FGD3: variants seen among roughly 807,000 people sequenced by gnomAD.
FGD3 encodes FYVE, RhoGEF and PH domain containing 3.
In FGD3, 45 loss-of-function variants were observed where a neutral mutation model predicts 71.8. The ratio of observed to expected loss-of-function variants is 0.63; its 90% confidence interval spans 0.49 to 0.80. The LOEUF (loss-of-function observed/expected upper bound fraction) is 0.80, where lower values mean the gene tolerates loss of function less well. Ranked by LOEUF, FGD3 falls within the 30% of genes least tolerant of loss-of-function variation. FGD3 has a pLI of 0.00. For missense variants in FGD3, 844 were observed against 951.5 expected (o/e 0.89, Z 1.49); for synonymous variants, 378 against 392.8 (o/e 0.96, Z 0.44).
chr9:92,993,992 G>A (rs1225028020), intron 3 of FGD3, among the ~76,000 whole-genome samples: 2 of 152,158 alleles, frequency 1.3e-5, no homozygotes, highest in African/African-American at 2.4e-5. Context: ...GTAATGGGAT[G>A]GCTGGGTCAA....
chr9:93,011,477 T>C (rs1464466845), intron 8 of FGD3, among the ~76,000 whole-genome samples: 1 of 152,208 alleles, frequency 6.6e-6, no homozygotes, highest in African/African-American at 2.4e-5. Flanking sequence ...TGGTGAGTTA[T>C]TTAGCACTCT....
intron 14 of FGD3, among the ~76,000 whole-genome samples, chr9:93,026,642 C>CA (rs1862124990): frequency 6.6e-6 from 1 of 152,220 alleles, no homozygotes; most frequent in Non-Finnish European, 1.5e-5. Context: ...CCCTGAGCCA[C>CA]ACTCACTGCT....
At chr9:93,032,629 C>T in intron 15 of FGD3, 140 bp from the exon 16 acceptor site, 1 of 814,354 alleles carries the variant, frequency 1.2e-6, no homozygotes. Flanking sequence ...AGGAGAAGCT[C>T]TTATCCCTCG....
chr9:93,012,980 G>A (rs985479789), intron 8 of FGD3, among the ~76,000 whole-genome samples: 1 of 148,276 alleles, frequency 6.7e-6, no homozygotes, highest in Non-Finnish European at 1.5e-5. Context: ...TACATACCAG[G>A]TTCACACCCA....
intron 1 of FGD3, among the ~76,000 whole-genome samples, chr9:92,953,623 C>G (rs561607007): frequency 6.6e-6 from 1 of 152,182 alleles, no homozygotes; most frequent in Non-Finnish European, 1.5e-5. Context: ...GGGGCTCACA[C>G]AATGTCACCT....
chr9:93,013,997 T>C lies in FGD3; in HGVS notation c.1181T>C (p.Leu394Pro). 6.2e-7 allele frequency: 1 copy of C among 1,605,384 alleles called. No individual in the cohort carries two copies. The highest frequency in any genetic ancestry group is 8.5e-7 in the Non-Finnish European group (1 of 1,176,080). ...NGTPQDRHLF[L>P]FNSMILYCVP... ...ACCCCCCAGGACCGCCACCTCTTCC[T>C]GGTGAGCCTGGCCCCTGCCAGCCCA... The change falls in exon 9 of 18, where the codon CTG (leucine) becomes CCG (proline). Residue 394 changes from leucine to proline, a missense_variant and splice_region_variant. Leu to Pro is a moderately conservative substitution (Grantham distance 98). Coordinates refer to ENST00000375482, the MANE Select transcript of FGD3 (RefSeq NM_001083536.2).
chr9:93,002,464 T>TG (rs1432826789), intron 3 of FGD3, among the ~76,000 whole-genome samples: 2 of 152,150 alleles, frequency 1.3e-5, no homozygotes, highest in Non-Finnish European at 2.9e-5. Flanking sequence ...GTGGTACGCA[T>TG]GTAGAGCAGG....
chr9:93,013,067 A>G (rs1287776559), intron 8 of FGD3, among the ~76,000 whole-genome samples: 1 of 152,022 alleles, frequency 6.6e-6, no homozygotes, highest in Non-Finnish European at 1.5e-5. Flanking sequence ...CTGTGTATAT[A>G]CCAGGTACCT....
chr9:93,034,310 G>A, intron 16 of FGD3: 1 of 483,434 alleles, frequency 2.1e-6, no homozygotes, highest in Non-Finnish European at 3.6e-6. Flanking sequence ...CCCTCCCCTT[G>A]GAGGGCCCAG....
intron 3 of FGD3, among the ~76,000 whole-genome samples, chr9:92,999,774 A>G (rs1403382018): frequency 1.3e-5 from 2 of 151,716 alleles, no homozygotes; most frequent in African/African-American, 4.8e-5. Context: ...TTGTATTTTT[A>G]GTTGAGATGG....
At position 92,993,803 on chromosome 9, in the gene FGD3, T is replaced by A. The variant is rs186101194; in HGVS notation, c.454-9122T>A. 1.5e-3 allele frequency among the ~76,000 whole-genome samples: 236 copies of A among 152,346 alleles called. 1 individual carries two copies. Among genetic ancestry groups the A allele is most frequent in the African/African-American group, 5.4e-3 (225 of 41,580 alleles). On this transcript the variant is annotated intron_variant, in intron 3 of 17. Coordinates refer to ENST00000375482, the MANE Select transcript of FGD3 (RefSeq NM_001083536.2). ...CTACAAAGGACATGAACTCATCATT[T>A]TTTATGGCTGCATAGTATTCCATGG...
chr9:93,013,348 C>T (rs995460776), intron 8 of FGD3, among the ~76,000 whole-genome samples: 1 of 152,212 alleles, frequency 6.6e-6, no homozygotes, highest in Non-Finnish European at 1.5e-5. Context: ...CTCACCTCTG[C>T]GTTCTGCTAC....
At chr9:92,950,096 G>A (rs1858927200) in intron 1 of FGD3, among the ~76,000 whole-genome samples, 1 of 151,014 alleles carries the variant, frequency 6.6e-6, no homozygotes, top group Admixed American at 6.6e-5. Context: ...GGAAGGATCT[G>A]GTTCAGCATA....
At chr9:92,991,862 T>C (rs150072616) in intron 3 of FGD3, among the ~76,000 whole-genome samples, 411 of 152,372 alleles carry the variant, frequency 2.7e-3, no homozygotes, top group African/African-American at 9.6e-3. Context: ...TTTGCAATTA[T>C]ATTCTCCTCC....
intron 1 of FGD3, among the ~76,000 whole-genome samples, chr9:92,959,873 C>T (rs1859137152): frequency 6.6e-6 from 1 of 151,774 alleles, no homozygotes; most frequent in Admixed American, 6.6e-5. Flanking sequence ...ACCACACGTC[C>T]CCACGTCCCC....
intron 1 of FGD3, among the ~76,000 whole-genome samples, chr9:92,949,022 G>C (rs759761907): frequency 3.9e-5 from 6 of 152,210 alleles, no homozygotes; most frequent in Non-Finnish European, 8.8e-5. Context: ...CAAAATGAGG[G>C]TTATGACAGC....
At chr9:93,000,595 T>G (rs777312379) in intron 3 of FGD3, among the ~76,000 whole-genome samples, 3 of 152,206 alleles carry the variant, frequency 2.0e-5, no homozygotes, top group Non-Finnish European at 4.4e-5. Context: ...TTCAGCACTT[T>G]GAATGTATCC....
At chr9:92,980,286 C>G (rs1041770662) in intron 3 of FGD3, among the ~76,000 whole-genome samples, 1 of 152,208 alleles carries the variant, frequency 6.6e-6, no homozygotes, top group Non-Finnish European at 1.5e-5. Context: ...CTCCCAAGTG[C>G]TGGGATTACA....
chr9:93,004,410 T>G (rs1214499355), intron 5 of FGD3, among the ~76,000 whole-genome samples: 2 of 152,216 alleles, frequency 1.3e-5, no homozygotes, highest in Non-Finnish European at 2.9e-5. Context: ...GAAACTAAAA[T>G]GAGGTTTGAC....
Sources: allele counts gnomAD v4.1 joint callset (sites outside exome capture counted in the v4.1 genomes callset), GRCh38; gene constraint gnomAD v4.1.1; transcripts MANE v1.5; gene names NCBI Gene and HGNC (gene_info 2026-07-23, HGNC 2026-07-21).